The following ZDHHC20 variants were observed in gnomAD, a reference collection of about 807,000 sequenced individuals.
ZDHHC20 encodes zDHHC palmitoyltransferase 20, also known as palmitoyltransferase ZDHHC20.
Under a neutral mutation model 57.8 loss-of-function variants are expected in ZDHHC20, and 43 were observed. The ratio of observed to expected loss-of-function variants is 0.74; its 90% CI spans 0.58 to 0.96. The LOEUF is 0.96. ZDHHC20 is among the 40% of genes least tolerant of loss of function. The probability of loss-of-function intolerance (pLI) is 0.00; values close to 1 mark genes in which losing one functional copy is unlikely to be tolerated. For missense variants in ZDHHC20, 391 were observed against 441.1 expected, an observed-to-expected ratio of 0.89 and a Z score of 1.02; for synonymous variants, 157 against 153.0, an observed-to-expected ratio of 1.03 and a Z score of -0.19.
chr13:21,382,496 T>G (rs1011852267), intron 10 of ZDHHC20, among the ~76,000 whole-genome samples: 15 of 152,218 alleles, frequency 9.9e-5, no homozygotes, highest in African/African-American at 3.6e-4. Flanking sequence ...ATTTGTATTT[T>G]TGAATCCTCA....
intron 2 of ZDHHC20, among the ~76,000 whole-genome samples, chr13:21,425,252 A>C (rs1881118246): frequency 6.6e-6 from 1 of 152,188 alleles, no homozygotes; most frequent in Admixed American, 6.5e-5. Context: ...CGATTTTAAC[A>C]AATGCCTAAA....
intron 1 of ZDHHC20, among the ~76,000 whole-genome samples, chr13:21,448,165 G>C (rs1883982123): frequency 1.6e-5 from 2 of 124,250 alleles, no homozygotes; most frequent in African/African-American, 5.8e-5. Context: ...TCTCTGCCCG[G>C]CAGCCACCCC....
chr13:21,442,547 G>A (rs934185800), intron 1 of ZDHHC20, among the ~76,000 whole-genome samples: 3 of 152,126 alleles, frequency 2.0e-5, no homozygotes, highest in South Asian at 2.1e-4. Context: ...TTGGGGTCAG[G>A]AGTTCAAGAC....
intron 3 of ZDHHC20, among the ~76,000 whole-genome samples, chr13:21,418,537 T>C (rs936242716): frequency 2.0e-5 from 3 of 152,080 alleles, no homozygotes; most frequent in Admixed American, 6.5e-5. Context: ...ATGAGGTGGG[T>C]ACTAGTATCA....
At chr13:21,428,413 G>A (rs1272739300) in intron 1 of ZDHHC20, among the ~76,000 whole-genome samples, 1 of 151,352 alleles carries the variant, frequency 6.6e-6, no homozygotes, top group African/African-American at 2.4e-5. Flanking sequence ...TAGAGACGGG[G>A]TTTCACCATG....
At chr13:21,383,774 TTTTAAGCACTACAGA>T (rs1303116086) in intron 9 of ZDHHC20, among the ~76,000 whole-genome samples, 1 of 152,194 alleles carries the variant, frequency 6.6e-6, no homozygotes, top group Non-Finnish European at 1.5e-5. Flanking sequence ...CTAGGTATTA[TTTTAAGCACTACAGA>T]TATAGGAAAT....
At chr13:21,421,548 C>G (rs1224908370) in intron 2 of ZDHHC20, among the ~76,000 whole-genome samples, 1 of 152,154 alleles carries the variant, frequency 6.6e-6, no homozygotes, top group Non-Finnish European at 1.5e-5. Context: ...ATCCAAGGAA[C>G]TGTCAACTGA....
chr13:21,380,896 T>C (rs547408718), intron 11 of ZDHHC20, among the ~76,000 whole-genome samples: 1 of 152,178 alleles, frequency 6.6e-6, no homozygotes, highest in African/African-American at 2.4e-5. Context: ...AAACCTGCAG[T>C]TGCATAGAAG....
chr13:21,438,139 G>A (rs1882746962), intron 1 of ZDHHC20, among the ~76,000 whole-genome samples: 1 of 152,206 alleles, frequency 6.6e-6, no homozygotes, highest in South Asian at 2.1e-4. Context: ...TTTTATGCCT[G>A]CTAACACATC....
intron 1 of ZDHHC20, among the ~76,000 whole-genome samples, chr13:21,452,263 A>C (rs1884517479): frequency 6.6e-6 from 1 of 152,204 alleles, no homozygotes; most frequent in Non-Finnish European, 1.5e-5. Context: ...ATTTTCAAAA[A>C]ACGGATTGTT....
intron 11 of ZDHHC20, among the ~76,000 whole-genome samples, chr13:21,379,897 C>T (rs1037800311): frequency 4.0e-5 from 6 of 149,952 alleles, no homozygotes; most frequent in Admixed American, 1.3e-4. Flanking sequence ...TCACTGCGGG[C>T]TCCAACCCCC....
At chr13:21,441,223 C>T (rs185370301) in intron 1 of ZDHHC20, among the ~76,000 whole-genome samples, 180 of 152,176 alleles carry the variant, frequency 1.2e-3, no homozygotes, top group African/African-American at 3.9e-3. Context: ...TGTCTATGAA[C>T]GTAAAGTATG....
intron 4 of ZDHHC20, among the ~76,000 whole-genome samples, chr13:21,408,116 T>C (rs1878710697): frequency 6.6e-6 from 1 of 152,188 alleles, no homozygotes; most frequent in Non-Finnish European, 1.5e-5. Context: ...TTTTTTTGGT[T>C]CCACATGAAA....
chr13:21,404,291 T>A, intron 4 of ZDHHC20: 1 of 497,444 alleles, frequency 2.0e-6, no homozygotes, highest in East Asian at 5.6e-5. Context: ...AAAGCCGACT[T>A]CCCCTGTCCA....
chr13:21,427,984 G>C (rs1447770974), intron 1 of ZDHHC20, among the ~76,000 whole-genome samples: 2 of 151,796 alleles, frequency 1.3e-5, no homozygotes, highest in Non-Finnish European at 2.9e-5. Flanking sequence ...CCTGACACTT[G>C]TAATTACTGG....
intron 1 of ZDHHC20, 66 bp from the exon 2 acceptor site, chr13:21,425,744 G>A: frequency 1.1e-6 from 1 of 932,662 alleles, no homozygotes; most frequent in East Asian, 4.4e-5. Flanking sequence ...TTTTATTTCA[G>A]GTTGAATATT....
chr13:21,432,450 C>T (rs1488051630), intron 1 of ZDHHC20, among the ~76,000 whole-genome samples: 1 of 152,130 alleles, frequency 6.6e-6, no homozygotes, highest in African/African-American at 2.4e-5. Context: ...CTGCCTCAGC[C>T]TCCTGAGTAG....
chr13:21,433,565 C>A (rs1397492426), intron 1 of ZDHHC20, among the ~76,000 whole-genome samples: 1 of 143,108 alleles, frequency 7.0e-6, no homozygotes, highest in East Asian at 2.1e-4. Context: ...TGCAGTGAGC[C>A]GAGATCACTC....
chr13:21,381,167 C>T (rs1210681776), intron 11 of ZDHHC20, among the ~76,000 whole-genome samples: 3 of 152,032 alleles, frequency 2.0e-5, no homozygotes, highest in African/African-American at 7.2e-5. Context: ...CCACCACGCC[C>T]GGCTAATTTT....
Sources: gnomAD v4.1 joint callset for allele counts (sites outside exome capture counted in the v4.1 genomes callset) on GRCh38, gnomAD v4.1.1 for gene constraint, MANE v1.5 for transcripts, NCBI Gene and HGNC (gene_info 2026-07-23, HGNC 2026-07-21) for gene names.